ESRRG: variants seen among roughly 807,000 people sequenced by gnomAD.
ESRRG encodes the protein estrogen-related receptor gamma.
In ESRRG, 13 loss-of-function variants were observed where a neutral mutation model predicts 44.0. The observed-to-expected ratio is 0.30, with a 90% confidence interval of 0.19 to 0.47. The LOEUF (loss-of-function observed/expected upper bound fraction) is 0.47, where lower values mean the gene tolerates loss of function less well. Among genes scored for constraint, ESRRG ranks in the 20% least tolerant of loss-of-function variants. ESRRG has a pLI of 1.00. For missense variants in ESRRG, 395 were observed against 580.6 expected (o/e 0.68, Z 3.29); for synonymous variants, 215 against 214.6 (o/e 1.00, Z -0.02).
At chr1:217,072,585 G>A (rs1379896747) in intron 1 of ESRRG, among the ~76,000 whole-genome samples, 1 of 152,198 alleles carries the variant, frequency 6.6e-6, no homozygotes, top group Non-Finnish European at 1.5e-5. Context: ...GAATGGCTAA[G>A]CATCTTTCCC....
chr1:217,054,295 G>T (rs185803917), intron 1 of ESRRG, among the ~76,000 whole-genome samples: 4 of 152,230 alleles, frequency 2.6e-5, no homozygotes, highest in Non-Finnish European at 5.9e-5. Context: ...GTCATACTGG[G>T]GGGGAGCATA....
chr1:217,120,027 G>T (rs1371242740), intron 1 of ESRRG, among the ~76,000 whole-genome samples: 1 of 152,166 alleles, frequency 6.6e-6, no homozygotes, highest in Non-Finnish European at 1.5e-5. Flanking sequence ...CCTTTGAGGA[G>T]CTCACAGTCT....
chr1:217,009,253 C>T (rs193272423), intron 1 of ESRRG, among the ~76,000 whole-genome samples: 1 of 152,110 alleles, frequency 6.6e-6, no homozygotes, highest in African/African-American at 2.4e-5. Flanking sequence ...ATATATTGGT[C>T]GACTTATTTT....
chr1:216,574,881 T>A (rs996400031), intron 3 of ESRRG, among the ~76,000 whole-genome samples: 1 of 152,152 alleles, frequency 6.6e-6, no homozygotes, highest in Non-Finnish European at 1.5e-5. Flanking sequence ...TATGTTTTCC[T>A]GATACAGTAG....
intron 6 of ESRRG, among the ~76,000 whole-genome samples, chr1:216,512,003 T>C (rs1020407610): frequency 3.3e-5 from 5 of 152,144 alleles, no homozygotes; most frequent in African/African-American, 7.2e-5. Context: ...CTAAACAAAT[T>C]GTAACACTGG....
At chr1:216,777,845 T>C (rs1332374242) in intron 2 of ESRRG, among the ~76,000 whole-genome samples, 3 of 152,116 alleles carry the variant, frequency 2.0e-5, no homozygotes, top group African/African-American at 7.2e-5. Flanking sequence ...TTAACTTACA[T>C]ATCTTATCAT....
intron 2 of ESRRG, among the ~76,000 whole-genome samples, chr1:216,822,935 C>G (rs2148639878): frequency 6.6e-6 from 1 of 152,246 alleles, no homozygotes; most frequent in Non-Finnish European, 1.5e-5. Context: ...AAACAATGCT[C>G]CCATCTAATA....
intron 1 of ESRRG, among the ~76,000 whole-genome samples, chr1:217,050,073 C>T (rs1313670019): frequency 6.6e-6 from 1 of 152,178 alleles, no homozygotes; most frequent in Non-Finnish European, 1.5e-5. Context: ...GTGTTTGAAT[C>T]CCATTCAAGG....
intron 1 of ESRRG, among the ~76,000 whole-genome samples, chr1:217,131,346 G>T (rs1351999776): frequency 6.6e-6 from 1 of 151,574 alleles, no homozygotes; most frequent in African/African-American, 2.4e-5. Flanking sequence ...AAAAAAAACA[G>T]TGAGCAAGTA....
chr1:216,738,361 C>T (rs910325058), intron 2 of ESRRG, among the ~76,000 whole-genome samples: 1 of 152,008 alleles, frequency 6.6e-6, no homozygotes, highest in African/African-American at 2.4e-5. Context: ...AAAATAAGTC[C>T]TATACTGCCA....
intron 1 of ESRRG, among the ~76,000 whole-genome samples, chr1:217,035,209 G>T (rs2082673575): frequency 6.6e-6 from 1 of 151,610 alleles, no homozygotes; most frequent in Non-Finnish European, 1.5e-5. Flanking sequence ...TGAGAAGCCT[G>T]GTGCAGTGGC....
chr1:217,029,295 A>G (rs1444032740), intron 1 of ESRRG, among the ~76,000 whole-genome samples: 2 of 152,196 alleles, frequency 1.3e-5, no homozygotes, highest in East Asian at 3.9e-4. Context: ...CGTTTTTTAA[A>G]GTAGTCCATG....
intron 5 of ESRRG, among the ~76,000 whole-genome samples, chr1:216,552,363 C>G (rs1343583993): frequency 6.6e-6 from 1 of 151,976 alleles, no homozygotes; most frequent in African/African-American, 2.4e-5. Context: ...ATTAATAGAC[C>G]TGAGTTTTAG....
At chr1:216,997,824 T>G (rs2076554771) in intron 1 of ESRRG, among the ~76,000 whole-genome samples, 1 of 152,188 alleles carries the variant, frequency 6.6e-6, no homozygotes, top group African/African-American at 2.4e-5. Flanking sequence ...CACTGGGACA[T>G]CCAAGGAACC....
chr1:216,532,222 A>T (rs1414717350), intron 5 of ESRRG, among the ~76,000 whole-genome samples: 1 of 152,032 alleles, frequency 6.6e-6, no homozygotes, highest in Non-Finnish European at 1.5e-5. Context: ...CATAGTGGAG[A>T]TTAATTCTAA....
At chr1:217,057,913 G>C (rs1003728775) in intron 1 of ESRRG, among the ~76,000 whole-genome samples, 1 of 152,146 alleles carries the variant, frequency 6.6e-6, no homozygotes, top group Non-Finnish European at 1.5e-5. Context: ...GCCCAGGGAA[G>C]CCAAAAGATT....
chr1:216,810,773 A>G (rs2094945637), intron 2 of ESRRG, among the ~76,000 whole-genome samples: 1 of 148,270 alleles, frequency 6.7e-6, no homozygotes, highest in South Asian at 2.1e-4. Context: ...ACTATGATAT[A>G]TATACATGTA....
At chr1:216,830,496 T>G (rs1445441246) in intron 2 of ESRRG, among the ~76,000 whole-genome samples, 1 of 152,170 alleles carries the variant, frequency 6.6e-6, no homozygotes, top group Non-Finnish European at 1.5e-5. Flanking sequence ...TTGAGAGGCT[T>G]GTCAGGTGTA....
intron 1 of ESRRG, among the ~76,000 whole-genome samples, chr1:217,017,887 G>A (rs558201395): frequency 2.0e-5 from 3 of 152,108 alleles, no homozygotes; most frequent in Admixed American, 6.6e-5. Flanking sequence ...AATCAAACAC[G>A]TTAATATTCC....
Sources: gnomAD v4.1 joint callset for allele counts (sites outside exome capture counted in the v4.1 genomes callset) on GRCh38, gnomAD v4.1.1 for gene constraint, MANE v1.5 for transcripts, NCBI Gene and HGNC (gene_info 2026-07-23, HGNC 2026-07-21) for gene names.